KLHL5: variants seen among roughly 807,000 people sequenced by gnomAD.
KLHL5 encodes kelch like family member 5.
KLHL5 carries 48 observed loss-of-function variants against 77.7 expected under a neutral mutation model. That is an observed-to-expected ratio of 0.62 (90% CI 0.49 to 0.79). KLHL5 has a LOEUF of 0.79. KLHL5 is among the 30% of genes least tolerant of loss of function. The probability of loss-of-function intolerance (pLI) is 0.00; values close to 1 mark genes in which losing one functional copy is unlikely to be tolerated. For missense variants in KLHL5, 723 were observed against 859.7 expected (o/e 0.84, Z 1.99); for synonymous variants, 260 against 297.0 (o/e 0.88, Z 1.28).
intron 1 of KLHL5, among the ~76,000 whole-genome samples, chr4:39,066,277 C>A (rs1717888598): frequency 6.6e-6 from 1 of 152,098 alleles, no homozygotes; most frequent in African/African-American, 2.4e-5. Context: ...GGAATTCATA[C>A]CAGGGCTAGC....
At chr4:39,057,094 C>T (rs1717057657) in intron 1 of KLHL5, among the ~76,000 whole-genome samples, 1 of 152,218 alleles carries the variant, frequency 6.6e-6, no homozygotes, top group South Asian at 2.1e-4. Flanking sequence ...AAATAAAGGA[C>T]ATACTTACCT....
chr4:39,058,725 G>A (rs551954562), upstream of KLHL5, among the ~76,000 whole-genome samples: 64 of 151,680 alleles, frequency 4.2e-4, no homozygotes, highest in Non-Finnish European at 9.1e-4. Flanking sequence ...TTTTATTATT[G>A]CTCTTATAAT....
At chr4:39,063,807 T>G (rs1717644569) in intron 1 of KLHL5, 1 of 175,506 alleles carries the variant, frequency 5.7e-6, no homozygotes, top group African/African-American at 2.3e-5. Flanking sequence ...GGTAATTTCA[T>G]AGTGACTTTA....
upstream of KLHL5, chr4:39,062,169 A>C: frequency 1.2e-6 from 1 of 821,006 alleles, no homozygotes; most frequent in East Asian, 9.4e-5. Context: ...GGGAAATGCT[A>C]TAGAATACAT....
chr4:39,115,550 TATTA>T, intron 10 of KLHL5: 1 of 1,456,220 alleles, frequency 6.9e-7, no homozygotes, highest in Non-Finnish European at 9.0e-7. Flanking sequence ...TCAGAGAAAT[TATTA>T]ATTATCTGCT....
At chr4:39,120,877 C>T (rs1224794314) in intron 10 of KLHL5, 133 bp from the exon 11 acceptor site, 10 of 667,782 alleles carry the variant, frequency 1.5e-5, no homozygotes, top group African/African-American at 9.0e-5. Flanking sequence ...CCAGAAACAG[C>T]GCTGATACAG....
chr4:39,076,327 C>G (rs550868625), intron 2 of KLHL5, among the ~76,000 whole-genome samples, 180 bp downstream of exon 2: 1 of 152,306 alleles, frequency 6.6e-6, no homozygotes, highest in South Asian at 2.1e-4. Context: ...CTAAAAGGGT[C>G]ATTTTCCTGC....
intron 4 of KLHL5, 125 bp downstream of exon 4, chr4:39,082,284 C>G: frequency 1.4e-6 from 1 of 723,546 alleles, no homozygotes; most frequent in Non-Finnish European, 2.3e-6. Context: ...AGCTTCATTG[C>G]CTAGTGTGTC....
chr4:39,085,085 A>G (rs929098356), intron 4 of KLHL5, among the ~76,000 whole-genome samples: 4 of 152,162 alleles, frequency 2.6e-5, no homozygotes, highest in Non-Finnish European at 5.9e-5. Context: ...ATTTTTGTAG[A>G]TCTTGCTATG....
intron 5 of KLHL5, among the ~76,000 whole-genome samples, chr4:39,091,810 A>G (rs772805788): frequency 9.5e-5 from 14 of 146,758 alleles, no homozygotes; most frequent in Non-Finnish European, 1.8e-4. Context: ...AGCTGAGACT[A>G]CAGTCACTGT....
Position 39,078,555 on chromosome 4 carries a change from C to T in KLHL5, c.566+2408C>T, listed in dbSNP as rs557842051. 9.9e-5 allele frequency among the ~76,000 whole-genome samples: 15 copies of T among 151,496 alleles called. No homozygotes were observed. The South Asian group carries it at 2.7e-3, about 27-fold the overall frequency. ...ACTAAAAATACAAAAACTAGCCAGG[C>T]GTGGTGGCGTGAACCTGTAGTCCCA... On this transcript the variant is annotated intron_variant, in intron 2 of 10. Coordinates refer to ENST00000504108, the MANE Select transcript of KLHL5 (RefSeq NM_015990.5).
intron 1 of KLHL5, among the ~76,000 whole-genome samples, chr4:39,065,799 T>G (rs1231910909): frequency 6.6e-6 from 1 of 152,174 alleles, no homozygotes; most frequent in African/African-American, 2.4e-5. Context: ...GAAATGCATA[T>G]GATATACTAA....
At chr4:39,134,561 A>G in the KLHL5 span, among the ~76,000 whole-genome samples, 1 of 152,224 alleles carries the variant, frequency 6.6e-6, no homozygotes, top group Non-Finnish European at 1.5e-5. Context: ...ATTACACAGG[A>G]TGATACATAC....
In KLHL5 at chr4:39,075,973, A is replaced by ATAG; in HGVS notation, c.397_399dup (p.Ser133dup). The stretch of plus-strand genomic sequence containing the variant: ...TTTTTTTTTCTTTTCAGGACTTCCA[A>ATAG]TAGTAGTCAGACATTATCATCCTGT... On this transcript the variant is annotated inframe_insertion, in exon 2 of 11. Transcript: ENST00000504108. 6.2e-7 allele frequency: 1 copy of ATAG among 1,607,546 alleles called. No individual in the cohort carries two copies. Among genetic ancestry groups the ATAG allele is most frequent in the Non-Finnish European group, 8.5e-7 (1 of 1,177,978 alleles).
chr4:39,046,097 T>C (rs546760350), intron 1 of KLHL5, among the ~76,000 whole-genome samples: 18 of 152,004 alleles, frequency 1.2e-4, no homozygotes, highest in Admixed American at 5.2e-4. Context: ...AATGTGTATG[T>C]CCTATTGGCT....
At chr4:39,115,438 A>C in intron 10 of KLHL5, 108 bp downstream of exon 10, 2 of 1,549,582 alleles carry the variant, frequency 1.3e-6, no homozygotes, top group South Asian at 1.2e-5. Flanking sequence ...ATATGGCATA[A>C]ATATGACAAT....
rs1223302327 is a variant in KLHL5 at position 39,123,626 on chromosome 4, A to G, written c.*2560A>G. Among the ~76,000 whole-genome samples the G allele has an allele frequency of 6.6e-6, 1 of 152,206 alleles. No individual in the cohort carries two copies. Among genetic ancestry groups the G allele is most frequent in the Non-Finnish European group, 1.5e-5 (1 of 68,022 alleles). On this transcript the variant is annotated 3_prime_UTR_variant, in exon 11 of 11. Coordinates refer to ENST00000504108, the MANE Select transcript of KLHL5 (RefSeq NM_015990.5). ...GGGAAAAAACAGCATGATCACCTCA[A>G]TTGATAAGAAAAAGCATTTGACAAA...
At chr4:39,090,847 G>A (rs1720472838) in intron 5 of KLHL5, among the ~76,000 whole-genome samples, 2 of 151,994 alleles carry the variant, frequency 1.3e-5, no homozygotes, top group South Asian at 4.2e-4. Flanking sequence ...CTATTTCCCA[G>A]GCTGGACTGC....
chr4:39,127,611 G>A (rs1280152176), downstream of KLHL5, among the ~76,000 whole-genome samples: 1 of 151,980 alleles, frequency 6.6e-6, no homozygotes, highest in African/African-American at 2.4e-5. Context: ...GCACCACCAT[G>A]TTTGGCTAAT....
Sources: allele counts gnomAD v4.1 joint callset (sites outside exome capture counted in the v4.1 genomes callset), GRCh38; gene constraint gnomAD v4.1.1; transcripts MANE v1.5; gene names NCBI Gene and HGNC (gene_info 2026-07-23, HGNC 2026-07-21).